The following C8A variants were observed in gnomAD, a reference collection of about 807,000 sequenced individuals.
C8A encodes complement C8 alpha chain.
Under a neutral mutation model 65.3 loss-of-function variants are expected in C8A, and 67 were observed. The observed-to-expected ratio is 1.03, with a 90% CI of 0.84 to 1.26. The LOEUF (loss-of-function observed/expected upper bound fraction) is 1.26. C8A is among the 50% of genes most tolerant of loss of function. The pLI, the probability that C8A is intolerant of heterozygous loss-of-function variation, is 0.00. For synonymous variants in C8A, 290 were observed against 259.4 expected (o/e 1.12, Z -1.13); for missense variants, 781 against 723.9 (o/e 1.08, Z -0.90).
chr1:56,885,394 A>ATTT (rs1557705718), intron 6 of C8A, among the ~76,000 whole-genome samples: 4 of 123,768 alleles, frequency 3.2e-5, no homozygotes, highest in African/African-American at 1.2e-4. Context: ...ATATATATTT[A>ATTT]AATAAATATA....
At chr1:56,908,371 C>A (rs948643495) in intron 9 of C8A, among the ~76,000 whole-genome samples, 1 of 152,116 alleles carries the variant, frequency 6.6e-6, no homozygotes, top group African/African-American at 2.4e-5. Flanking sequence ...AGTTCCTCAG[C>A]ATTAGGTCAC....
At chr1:56,882,996 C>G (rs1008671332) in intron 5 of C8A, among the ~76,000 whole-genome samples, 11 of 152,192 alleles carry the variant, frequency 7.2e-5, no homozygotes, top group African/African-American at 2.7e-4. Context: ...AAGACCATGT[C>G]TCAGTTCAAG....
At chr1:56,866,065 T>C (rs1279037040) in intron 1 of C8A, among the ~76,000 whole-genome samples, 1 of 152,214 alleles carries the variant, frequency 6.6e-6, no homozygotes, top group African/African-American at 2.4e-5. Flanking sequence ...TGTCAAGTTT[T>C]CATGTAATAC....
Position 56,917,911 on chromosome 1 carries a change from T to C in C8A, c.*195T>C. ...TATTAGTTACAAAACTCAATCATTT[T>C]ATTCAGCAACTGGATGTTGACTGTT... On this transcript the variant is annotated 3_prime_UTR_variant, in exon 11 of 11. Coordinates refer to ENST00000361249, the MANE Select transcript of C8A (RefSeq NM_000562.3). 1 of 612,650 alleles carries C rather than the reference T, an allele frequency of 1.6e-6. No homozygotes were observed. Among genetic ancestry groups the C allele is most frequent in the South Asian group, 2.0e-5 (1 of 49,370 alleles). 38.0% of individuals were successfully genotyped at this position (612,650 alleles called of 1,614,324 possible). A position where few individuals can be genotyped will look rare whatever the true frequency, so the allele number is the denominator to read the frequency against.
chr1:56,858,884 T>C (rs1007197898), intron 1 of C8A, among the ~76,000 whole-genome samples: 6 of 152,224 alleles, frequency 3.9e-5, no homozygotes, highest in Non-Finnish European at 7.3e-5. Context: ...GCTATGGAAG[T>C]TGCGCCAGTT....
chr1:56,917,836 G>T lies in C8A; in HGVS notation c.*120G>T. On this transcript the variant is annotated 3_prime_UTR_variant, in exon 11 of 11. Coordinates refer to ENST00000361249, the MANE Select transcript of C8A (RefSeq NM_000562.3). The stretch of plus-strand genomic sequence containing the variant: ...ATCAGCACACTTTTTTCTTTGTTCT[G>T]CCAGCTTCCAGGCCTAAGACTAGGT... The T allele has an allele frequency of 7.9e-7, 1 of 1,270,702 alleles. No homozygotes were observed. 78.7% of individuals were successfully genotyped at this position (1,270,702 alleles called of 1,614,324 possible).
At chr1:56,907,273 C>T (rs973551358) in intron 8 of C8A, among the ~76,000 whole-genome samples, 1 of 152,130 alleles carries the variant, frequency 6.6e-6, no homozygotes, top group Admixed American at 6.5e-5. Context: ...ATTCATCAAA[C>T]AGGTATTGAG....
At chr1:56,883,334 G>T (rs1489005925) in intron 5 of C8A, 147 bp from the exon 6 acceptor site, 1 of 693,630 alleles carries the variant, frequency 1.4e-6, no homozygotes, top group Non-Finnish European at 2.5e-6. Flanking sequence ...ATAAGTATCA[G>T]TCTAATGACT....
chr1:56,856,163 G>A (rs1481939784), intron 1 of C8A, among the ~76,000 whole-genome samples: 3 of 152,094 alleles, frequency 2.0e-5, no homozygotes, highest in Admixed American at 6.5e-5. Context: ...GAAATCATGA[G>A]GTCTTTGTAT....
At chr1:56,894,304 A>G (rs964981655) in intron 7 of C8A, among the ~76,000 whole-genome samples, 2 of 152,010 alleles carry the variant, frequency 1.3e-5, no homozygotes, top group Non-Finnish European at 1.5e-5. Flanking sequence ...CCACCTGCCC[A>G]TTTCTTTGAT....
chr1:56,867,842 A>G lies in C8A; in HGVS notation c.171+140A>G. On this transcript the variant is annotated intron_variant, in intron 2 of 10. Transcript: ENST00000361249. ...GAAATTGTTGTTTGAAATCCATTAT[A>G]CATGGATGGTGAAACTTGTTTCCGT... 5 of 714,796 alleles carry G rather than the reference A, an allele frequency of 7.0e-6. 1 individual carries two copies. In the South Asian group the frequency reaches 7.6e-5, roughly 11 times the overall value. The allele number at this position is 714,796 out of a possible 1,614,324, so 44.3% of individuals were successfully genotyped here.
At chr1:56,905,704 C>T (rs1644459144) in intron 7 of C8A, among the ~76,000 whole-genome samples, 1 of 152,170 alleles carries the variant, frequency 6.6e-6, no homozygotes, top group African/African-American at 2.4e-5. Flanking sequence ...AACAGTATGA[C>T]TGGAAATAAT....
In C8A at chr1:56,854,947, C is replaced by T. The variant is rs1200416404; in HGVS notation, c.46C>T (p.Pro16Ser). ...FFILSLMTCQ[P>S]GVTAQEKVNQ... ...CATCTTGTCTTTGATGACTTGTCAGCCTGGGGTAACTGCACAGGAGAAGGT... is the reference window on the plus strand; with the variant it reads ...CATCTTGTCTTTGATGACTTGTCAGTCTGGGGTAACTGCACAGGAGAAGGT... Residue 16 changes from proline to serine, a missense_variant, in exon 1 of 11, where the codon CCT becomes TCT. By Grantham distance (74) the Pro-to-Ser change is moderately conservative. Transcript: ENST00000361249. 1.2e-6 allele frequency: 2 copies of T among 1,613,790 alleles called. No homozygotes were observed. The highest frequency in any genetic ancestry group is 1.7e-6 in the Non-Finnish European group (2 of 1,179,872).
chr1:56,884,356 G>A (rs1644273132), intron 6 of C8A, among the ~76,000 whole-genome samples: 1 of 152,122 alleles, frequency 6.6e-6, no homozygotes. Context: ...AAAACAGAGA[G>A]TGATGAGGTT....
chr1:56,875,239 C>A, intron 3 of C8A, 146 bp downstream of exon 3: 1 of 890,430 alleles, frequency 1.1e-6, no homozygotes. Flanking sequence ...TCCTAGGAAT[C>A]TGCATTTTAA....
At chr1:56,898,471 GATTT>G (rs1644402003) in intron 7 of C8A, among the ~76,000 whole-genome samples, 1 of 152,024 alleles carries the variant, frequency 6.6e-6, no homozygotes, top group Non-Finnish European at 1.5e-5. Context: ...CTTTCTCCTT[GATTT>G]GCATATGCTA....
chr1:56,865,898 T>A (rs1644083064), intron 1 of C8A, among the ~76,000 whole-genome samples: 1 of 152,204 alleles, frequency 6.6e-6, no homozygotes, highest in Non-Finnish European at 1.5e-5. Flanking sequence ...AACCATTATT[T>A]TCCAAATTTC....
intron 7 of C8A, among the ~76,000 whole-genome samples, chr1:56,896,401 C>G (rs1033185490): frequency 6.6e-6 from 1 of 152,082 alleles, no homozygotes; most frequent in African/African-American, 2.4e-5. Context: ...AGTCTGAAGG[C>G]CAGCAGGCTT....
intron 2 of C8A, among the ~76,000 whole-genome samples, chr1:56,872,802 A>T (rs1644159085): frequency 6.6e-6 from 1 of 152,214 alleles, no homozygotes; most frequent in Non-Finnish European, 1.5e-5. Context: ...TACACTTCAA[A>T]GAGTGGGAAT....
Sources: allele counts gnomAD v4.1 joint callset (sites outside exome capture counted in the v4.1 genomes callset), GRCh38; gene constraint gnomAD v4.1.1; transcripts MANE v1.5; gene names NCBI Gene and HGNC (gene_info 2026-07-23, HGNC 2026-07-21).